Variants in ARHGAP24 observed in about 807,000 individuals in gnomAD.
ARHGAP24 encodes the protein Rho GTPase activating protein 24.
A neutral mutation model predicts 76.4 loss-of-function variants in ARHGAP24; 50 were observed. The observed-to-expected ratio is 0.65, with a 90% confidence interval of 0.52 to 0.83. The LOEUF (loss-of-function observed/expected upper bound fraction) is 0.83, where lower values mean the gene tolerates loss of function less well. ARHGAP24 is among the 40% of genes least tolerant of loss of function. The pLI is 0.00. For synonymous variants in ARHGAP24, 345 were observed against 323.3 expected (o/e 1.07, Z -0.72); for missense variants, 930 against 914.2 (o/e 1.02, Z -0.22).
intron 3 of ARHGAP24, among the ~76,000 whole-genome samples, chr4:85,865,567 T>C (rs752013966): frequency 1.0e-4 from 15 of 147,848 alleles, no homozygotes; most frequent in East Asian, 1.9e-4. Flanking sequence ...AAAATAATTA[T>C]ATAAATAATA....
intron 8 of ARHGAP24, among the ~76,000 whole-genome samples, chr4:85,993,399 T>C (rs534829587): frequency 7.2e-5 from 11 of 152,352 alleles, no homozygotes; most frequent in African/African-American, 2.6e-4. Flanking sequence ...GCAGTAGATC[T>C]TGCTTATTGC....
chr4:85,727,575 T>G (rs1337725656), intron 3 of ARHGAP24, among the ~76,000 whole-genome samples: 2 of 152,180 alleles, frequency 1.3e-5, no homozygotes, highest in African/African-American at 4.8e-5. Flanking sequence ...AGTGCTTTCT[T>G]ATAGACAACT....
chr4:85,692,845 G>A (rs902208507), intron 2 of ARHGAP24, among the ~76,000 whole-genome samples: 8 of 152,168 alleles, frequency 5.3e-5, no homozygotes, highest in African/African-American at 9.7e-5. Flanking sequence ...AGAGACTAGT[G>A]GAATCATTTG....
chr4:85,641,295 A>T (rs1353464411), intron 2 of ARHGAP24, among the ~76,000 whole-genome samples: 2 of 152,158 alleles, frequency 1.3e-5, no homozygotes, highest in Admixed American at 1.3e-4. Flanking sequence ...ATTCTTTTGC[A>T]TATGAATGCA....
intron 2 of ARHGAP24, among the ~76,000 whole-genome samples, chr4:85,719,526 C>A (rs1724852454): frequency 6.6e-6 from 1 of 152,134 alleles, no homozygotes; most frequent in Admixed American, 6.6e-5. Context: ...GAGTAAAATA[C>A]TACTTTAGCT....
At chr4:85,503,433 G>T (rs577674073) in intron 1 of ARHGAP24, among the ~76,000 whole-genome samples, 1 of 152,110 alleles carries the variant, frequency 6.6e-6, no homozygotes, top group Non-Finnish European at 1.5e-5. Context: ...CTTCTTCCTG[G>T]TTTAGTCTTG....
Position 85,697,811 on chromosome 4 carries a change from A to G in ARHGAP24, c.181-24074A>G, listed in dbSNP as rs116217238. Among the ~76,000 whole-genome samples, 814 of 152,308 alleles carry G rather than the reference A, an allele frequency of 5.3e-3. 6 individuals are homozygous for G. Among genetic ancestry groups the G allele is most frequent in the African/African-American group, 0.019 (771 of 41,574 alleles). On this transcript the variant is annotated intron_variant, in intron 2 of 9. Transcript: ENST00000395184. ...GGATGTTTCTGTGTGAGGTGGAGGA[A>G]GGGAGACAGGCAGGAAAGGGAAGCC... is the stretch of plus-strand genomic sequence containing the variant.
At chr4:85,895,809 G>A (rs1734144843) in intron 3 of ARHGAP24, among the ~76,000 whole-genome samples, 1 of 152,116 alleles carries the variant, frequency 6.6e-6, no homozygotes. Context: ...ATTAGTGTTA[G>A]ACCATTTACA....
At chr4:85,731,919 T>C (rs927471278) in intron 3 of ARHGAP24, among the ~76,000 whole-genome samples, 1 of 152,224 alleles carries the variant, frequency 6.6e-6, no homozygotes, top group Non-Finnish European at 1.5e-5. Context: ...ACTCTCCTCA[T>C]TCTTGAGTCC....
intron 3 of ARHGAP24, among the ~76,000 whole-genome samples, chr4:85,783,290 A>G (rs1727648602): frequency 6.6e-6 from 1 of 152,146 alleles, no homozygotes; most frequent in African/African-American, 2.4e-5. Flanking sequence ...ACTGTTGTGT[A>G]TTCTTCCATT....
At chr4:85,950,669 CT>C (rs1438501118) in intron 5 of ARHGAP24, among the ~76,000 whole-genome samples, 1 of 109,538 alleles carries the variant, frequency 9.1e-6, no homozygotes, top group Non-Finnish European at 1.8e-5. Context: ...TCTTTTTCTT[CT>C]TTTTTCTTTT....
At chr4:85,895,001 C>CAAAAAAAAAAAAAAAAAAAAAAAAA (rs1222078793) in intron 3 of ARHGAP24, among the ~76,000 whole-genome samples, 2 of 54,344 alleles carry the variant, frequency 3.7e-5, no homozygotes, top group East Asian at 1.4e-3. Context: ...AAACAAAAAG[C>CAAAAAAAAAAAAAAAAAAAAAAAAA]AAAAAAAAAA....
chr4:85,844,433 G>C (rs999228987), intron 3 of ARHGAP24, among the ~76,000 whole-genome samples: 1 of 152,180 alleles, frequency 6.6e-6, no homozygotes, highest in African/African-American at 2.4e-5. Flanking sequence ...AGGCCACTTT[G>C]TGATGATGTT....
intron 2 of ARHGAP24, among the ~76,000 whole-genome samples, chr4:85,597,302 C>T (rs886628783): frequency 6.6e-6 from 1 of 152,176 alleles, no homozygotes; most frequent in African/African-American, 2.4e-5. Context: ...AAATTCTCCT[C>T]CTTTCCATCA....
At chr4:85,772,130 AG>A (rs2110079290) in intron 3 of ARHGAP24, among the ~76,000 whole-genome samples, 1 of 152,358 alleles carries the variant, frequency 6.6e-6, no homozygotes, top group African/African-American at 2.4e-5. Flanking sequence ...AAATTGTGTA[AG>A]AATCTCCTGA....
intron 8 of ARHGAP24, among the ~76,000 whole-genome samples, chr4:85,986,684 A>T (rs1432690816): frequency 6.6e-6 from 1 of 152,170 alleles, no homozygotes; most frequent in African/African-American, 2.4e-5. Context: ...CGGAGAGTAG[A>T]TGAGAACTGA....
intron 2 of ARHGAP24, among the ~76,000 whole-genome samples, chr4:85,621,324 G>C (rs774248269): frequency 1.9e-4 from 29 of 151,982 alleles, no homozygotes; most frequent in Non-Finnish European, 2.4e-4. Flanking sequence ...TCTATTTTTA[G>C]TTCCTTGAGG....
chr4:85,859,517 A>G (rs1731769123), intron 3 of ARHGAP24, among the ~76,000 whole-genome samples: 1 of 152,168 alleles, frequency 6.6e-6, no homozygotes, highest in Non-Finnish European at 1.5e-5. Flanking sequence ...TTAAATACAC[A>G]ATGAACTTTG....
At chr4:85,622,141 C>T (rs1720739690) in intron 2 of ARHGAP24, among the ~76,000 whole-genome samples, 2 of 151,814 alleles carry the variant, frequency 1.3e-5, no homozygotes, top group Non-Finnish European at 2.9e-5. Flanking sequence ...TGCATGTGCA[C>T]AACATGCAGG....
Sources: gnomAD v4.1 joint callset for allele counts (sites outside exome capture counted in the v4.1 genomes callset) on GRCh38, gnomAD v4.1.1 for gene constraint, MANE v1.5 for transcripts, NCBI Gene and HGNC (gene_info 2026-07-23, HGNC 2026-07-21) for gene names.